The following LMBR1 variants were observed in gnomAD, a reference collection of about 807,000 sequenced individuals.
The protein encoded by LMBR1 is limb region 1 protein homolog.
In LMBR1, 52 loss-of-function variants were observed where a neutral mutation model predicts 73.9. That is an observed-to-expected ratio of 0.70 (90% confidence interval 0.56 to 0.89). The LOEUF (loss-of-function observed/expected upper bound fraction) is 0.89. Among genes scored for constraint, LMBR1 ranks in the 40% least tolerant of loss-of-function variants. LMBR1 has a pLI of 0.00. For synonymous variants in LMBR1, 215 were observed against 209.4 expected (o/e 1.03, Z -0.23); for missense variants, 539 against 579.8 (o/e 0.93, Z 0.72).
At chr7:156,719,517 G>A (rs1479880927) in intron 15 of LMBR1, among the ~76,000 whole-genome samples, 1 of 152,110 alleles carries the variant, frequency 6.6e-6, no homozygotes, top group Non-Finnish European at 1.5e-5. Context: ...TCATGAAAAT[G>A]GCCATACTGC....
intron 15 of LMBR1, among the ~76,000 whole-genome samples, chr7:156,721,914 C>T (rs1333638471): frequency 1.3e-5 from 2 of 151,998 alleles, no homozygotes; most frequent in Admixed American, 1.3e-4. Context: ...ACACCATGTA[C>T]TTAAATCTAA....
chr7:156,888,833 TC>T (rs1445779244), intron 1 of LMBR1, among the ~76,000 whole-genome samples: 2 of 152,070 alleles, frequency 1.3e-5, no homozygotes, highest in African/African-American at 4.8e-5. Flanking sequence ...GGCAGGTGGA[TC>T]ACCTGGGGTC....
rs1347350298 is a variant in LMBR1 at position 156,678,137 on chromosome 7, C to T, written c.*5941G>A. On this transcript the variant is annotated 3_prime_UTR_variant, in exon 17 of 17. Coordinates refer to ENST00000353442, the MANE Select transcript of LMBR1 (RefSeq NM_022458.4). The stretch of plus-strand genomic sequence containing the variant: ...TCATCACATCTGTGAGCCATGCCAT[C>T]CACCCCGTAAACCTTCCGTGCCTAT... 1 of 152,314 alleles carries T rather than the reference C, an allele frequency of 6.6e-6. No individual in the cohort carries two copies. The highest frequency in any genetic ancestry group is 1.5e-5 in the Non-Finnish European group (1 of 68,084). 9.4% of individuals were successfully genotyped at this position (152,314 alleles called of 1,614,324 possible). A position where few individuals can be genotyped will look rare whatever the true frequency, so the allele number is the denominator to read the frequency against.
chr7:156,710,398 G>A (rs886360803), intron 15 of LMBR1, among the ~76,000 whole-genome samples: 48 of 152,130 alleles, frequency 3.2e-4, no homozygotes, highest in African/African-American at 8.7e-4. Context: ...AAGTTTCAAC[G>A]ATAGACTGGA....
chr7:156,874,638 C>T (rs144770993), intron 1 of LMBR1, among the ~76,000 whole-genome samples: 2 of 152,220 alleles, frequency 1.3e-5, no homozygotes, highest in African/African-American at 4.8e-5. Flanking sequence ...GTGCAGACAA[C>T]CCCAGTACCA....
intron 1 of LMBR1, among the ~76,000 whole-genome samples, chr7:156,867,872 C>T (rs1798691985): frequency 1.3e-5 from 2 of 152,010 alleles, no homozygotes; most frequent in Non-Finnish European, 2.9e-5. Context: ...CTGTCCAAGT[C>T]TGTGGATATG....
chr7:156,759,474 T>G (rs1191319158), intron 8 of LMBR1, among the ~76,000 whole-genome samples: 1 of 152,208 alleles, frequency 6.6e-6, no homozygotes, highest in Non-Finnish European at 1.5e-5. Context: ...GAAATGACAT[T>G]AGTTTAGCCA....
In LMBR1 at chr7:156,762,171, A is replaced by G. The variant is rs759962331; in HGVS notation, c.647T>C (p.Met216Thr). The G allele has an allele frequency of 1.2e-6, 2 of 1,611,964 alleles. No individual in the cohort carries two copies. The highest frequency in any genetic ancestry group is 1.1e-5 in the South Asian group (1 of 90,964). The part of the protein sequence containing the change: ...LLCTPVGLSR[M>T]FTVMGQLLVK... ...TAGCAACTGACCCATCACTGTGAACATACGAGAAAGGCCAACTGGTGTACA... is the reference window on the plus strand; with the variant it reads ...TAGCAACTGACCCATCACTGTGAACGTACGAGAAAGGCCAACTGGTGTACA... Residue 216 changes from methionine (M) to threonine (T), a missense_variant, in exon 8 of 17, where the codon ATG (methionine) becomes ACG (threonine). Met to Thr is a moderately conservative substitution (Grantham distance 81). This residue lies in a region of LMBR1 where 454 missense variants were observed against 473.4 expected (regional missense o/e 0.96). Transcript: ENST00000353442.
chr7:156,852,297 T>C (rs1442516806), intron 1 of LMBR1, among the ~76,000 whole-genome samples: 1 of 152,158 alleles, frequency 6.6e-6, no homozygotes, highest in Non-Finnish European at 1.5e-5. Flanking sequence ...GAAGTCAATA[T>C]ACGTGTTCAA....
At chr7:156,821,416 T>A (rs959622804) in intron 4 of LMBR1, among the ~76,000 whole-genome samples, 5 of 152,222 alleles carry the variant, frequency 3.3e-5, no homozygotes, top group Admixed American at 2.6e-4. Context: ...TGCCCCTTTC[T>A]GGAACATCCC....
At chr7:156,702,787 C>T (rs536412800) in intron 15 of LMBR1, among the ~76,000 whole-genome samples, 67 of 152,262 alleles carry the variant, frequency 4.4e-4, no homozygotes, top group Middle Eastern at 3.4e-3. Context: ...AATCTTTTGT[C>T]CACACAAAAA....
At position 156,681,326 on chromosome 7, in the gene LMBR1, C is replaced by CT. The variant is rs1268076807; in HGVS notation, c.*2751dup. The CT allele has an allele frequency of 2.9e-6, 1 of 348,548 alleles. No individual in the cohort carries two copies. The highest frequency in any genetic ancestry group is 5.5e-6 in the Non-Finnish European group (1 of 181,592). 21.6% of individuals were successfully genotyped at this position (348,548 alleles called of 1,614,324 possible). ...AAAACGCGAGAGGCTCCGTCCATCTCTACTAACCAGCACCTTAGTGCAGCA... is the reference window on the plus strand; with the variant it reads ...AAAACGCGAGAGGCTCCGTCCATCTCTTACTAACCAGCACCTTAGTGCAGCA... On this transcript the variant is annotated 3_prime_UTR_variant, in exon 17 of 17. Transcript: ENST00000353442.
At position 156,881,828 on chromosome 7, in the gene LMBR1, G is replaced by A. The variant is rs530871063; in HGVS notation, c.66+11100C>T. Among the ~76,000 whole-genome samples the A allele has an allele frequency of 3.6e-4, 54 of 150,992 alleles. 1 individual carries two copies. Among genetic ancestry groups the A allele is most frequent in the South Asian group, 1.0e-3 (5 of 4,798 alleles). On this transcript the variant is annotated intron_variant, in intron 1 of 16. Coordinates refer to ENST00000353442, the MANE Select transcript of LMBR1 (RefSeq NM_022458.4). ...ATGATTAAAAAAAAAAAAAGAAGAC[G>A]ACAAGTGTTGACAAGGCTGAAGAGA...
intron 4 of LMBR1, among the ~76,000 whole-genome samples, chr7:156,808,919 A>C (rs766417774): frequency 2.0e-5 from 3 of 152,230 alleles, no homozygotes; most frequent in Non-Finnish European, 1.5e-5. Context: ...TGAGAACTTC[A>C]CAACAGTGTG....
At chr7:156,737,820 A>T (rs1310068667) in intron 9 of LMBR1, among the ~76,000 whole-genome samples, 2 of 152,016 alleles carry the variant, frequency 1.3e-5, no homozygotes, top group Non-Finnish European at 2.9e-5. Flanking sequence ...CATCTCCTCC[A>T]AGCTCTCCTG....
At chr7:156,874,832 T>C (rs1007629613) in intron 1 of LMBR1, among the ~76,000 whole-genome samples, 3 of 152,116 alleles carry the variant, frequency 2.0e-5, no homozygotes, top group Non-Finnish European at 2.9e-5. Context: ...TGACATAGCC[T>C]ACCCAAATGA....
intron 5 of LMBR1, among the ~76,000 whole-genome samples, chr7:156,764,343 T>C (rs7804765): frequency 6.6e-6 from 1 of 152,186 alleles, no homozygotes; most frequent in African/African-American, 2.4e-5. Flanking sequence ...TATGATGCTT[T>C]TCTTCACATT....
rs1805036085 is a variant in LMBR1 at position 156,681,565 on chromosome 7, A to G, written c.*2513T>C. ...TTTAAGTATTGCAGAACCAATTAAT[A>G]AGAATCTGCAAGTTTTCCCCAAGAA... is the stretch of plus-strand genomic sequence containing the variant. On this transcript the variant is annotated 3_prime_UTR_variant, in exon 17 of 17. Transcript: ENST00000353442. 1 of 153,368 alleles carries G rather than the reference A, an allele frequency of 6.5e-6. No homozygotes were observed. Among genetic ancestry groups the G allele is most frequent in the South Asian group, 2.0e-4 (1 of 4,928 alleles). 9.5% of individuals were successfully genotyped at this position (153,368 alleles called of 1,614,324 possible).
intron 4 of LMBR1, among the ~76,000 whole-genome samples, chr7:156,801,449 T>C (rs1390988207): frequency 6.6e-6 from 1 of 152,240 alleles, no homozygotes; most frequent in Non-Finnish European, 1.5e-5. Flanking sequence ...TGTGATTCAC[T>C]TTATTGCCAC....
Sources: gnomAD v4.1 joint callset for allele counts (sites outside exome capture counted in the v4.1 genomes callset) on GRCh38, gnomAD v4.1.1 for gene constraint, gnomAD v4.1.1 regional missense constraint, MANE v1.5 for transcripts, NCBI Gene and HGNC (gene_info 2026-07-23, HGNC 2026-07-21) for gene names.